Variants in FGF10 observed in about 807,000 individuals in gnomAD.
FGF10 encodes FGF-10.
FGF10 carries 2 observed loss-of-function variants against 19.8 expected under a neutral mutation model. That is an observed-to-expected ratio of 0.10 (90% CI 0.04 to 0.32). The LOEUF (loss-of-function observed/expected upper bound fraction) is 0.32, where lower values mean the gene tolerates loss of function less well. Among genes scored for constraint, FGF10 ranks in the 10% least tolerant of loss-of-function variants. FGF10 has a pLI of 1.00. For synonymous variants in FGF10, 112 were observed against 94.0 expected (o/e 1.19, Z -1.10); for missense variants, 191 against 246.3 (o/e 0.78, Z 1.50).
chr5:44,388,656 A>G lies in FGF10; in HGVS notation c.27T>C (p.Cys9=). The part of the protein sequence containing the change: MWKWILTH[C]ASAFPHLPGC... ...CGGGCAGGTGGGGAAAGGCTGAGGCACAATGTGTCAGTATCCATTTCCACA... is the reference window on the plus strand; with the variant it reads ...CGGGCAGGTGGGGAAAGGCTGAGGCGCAATGTGTCAGTATCCATTTCCACA... Residue 9 remains cysteine (C), a synonymous_variant, in exon 1 of 3, where the codon TGT becomes TGC. Transcript: ENST00000264664. 1.2e-6 allele frequency: 2 copies of G among 1,614,118 alleles called. No individual in the cohort carries two copies. Among genetic ancestry groups the G allele is most frequent in the South Asian group, 2.2e-5 (2 of 91,076 alleles).
At chr5:44,339,185 C>A (rs2111782815) in intron 1 of FGF10, among the ~76,000 whole-genome samples, 1 of 152,132 alleles carries the variant, frequency 6.6e-6, no homozygotes, top group Non-Finnish European at 1.5e-5. Flanking sequence ...ACATTTTAAG[C>A]TTTATTTAAT....
In FGF10 at chr5:44,301,401, G is replaced by A. The variant is rs752687052; in HGVS notation, c.*3594C>T. On this transcript the variant is annotated 3_prime_UTR_variant, in exon 3 of 3. Transcript: ENST00000264664. ...ATTAGAACTGTGCAGCATTAATGCT[G>A]ATCTATGTAAATTGGGTTCATAAAC... 6.6e-6 allele frequency among the ~76,000 whole-genome samples: 1 copy of A among 152,144 alleles called. No homozygotes were observed. Among genetic ancestry groups the A allele is most frequent in the Non-Finnish European group, 1.5e-5 (1 of 68,014 alleles).
At chr5:44,314,636 T>C (rs1294698176) in intron 1 of FGF10, among the ~76,000 whole-genome samples, 1 of 152,082 alleles carries the variant, frequency 6.6e-6, no homozygotes, top group East Asian at 1.9e-4. Flanking sequence ...TTAATACTCA[T>C]ATATATAATT....
intron 1 of FGF10, among the ~76,000 whole-genome samples, chr5:44,385,322 C>G (rs1227176144): frequency 6.6e-6 from 1 of 152,070 alleles, no homozygotes; most frequent in Non-Finnish European, 1.5e-5. Flanking sequence ...CGCATGTAGT[C>G]TTTTTAGAAC....
At chr5:44,342,523 A>T (rs1368982916) in intron 1 of FGF10, among the ~76,000 whole-genome samples, 1 of 151,830 alleles carries the variant, frequency 6.6e-6, no homozygotes, top group Non-Finnish European at 1.5e-5. Flanking sequence ...AAAAAAAAAA[A>T]AACTAACCAG....
chr5:44,320,150 G>A (rs1413065969), intron 1 of FGF10, among the ~76,000 whole-genome samples: 2 of 152,160 alleles, frequency 1.3e-5, no homozygotes, highest in Admixed American at 1.3e-4. Flanking sequence ...TAGCACTGAG[G>A]AGCAGATGCA....
chr5:44,378,168 G>A (rs1274659708), intron 1 of FGF10, among the ~76,000 whole-genome samples: 1 of 152,140 alleles, frequency 6.6e-6, no homozygotes, highest in African/African-American at 2.4e-5. Flanking sequence ...GGATGGGAGG[G>A]TCTTTTTTCC....
intron 1 of FGF10, among the ~76,000 whole-genome samples, chr5:44,384,093 T>A (rs1742046243): frequency 6.6e-6 from 1 of 152,104 alleles, no homozygotes; most frequent in African/African-American, 2.4e-5. Context: ...TCGCCCTTTT[T>A]AGAGTCATAT....
At position 44,306,081 on chromosome 5, in the gene FGF10, G is replaced by A. The variant is rs527511113; in HGVS notation, c.430-889C>T. On this transcript the variant is annotated intron_variant, in intron 2 of 2. Coordinates refer to ENST00000264664, the MANE Select transcript of FGF10 (RefSeq NM_004465.2). ...CTCTGGAGTTAATAACAAAGAGGAA[G>A]TAGCTCAATGATCTCAAGACTCTGG... Among the ~76,000 whole-genome samples the A allele has an allele frequency of 2.6e-5, 4 of 152,236 alleles. No homozygotes were observed. In the South Asian group the frequency reaches 8.3e-4, roughly 32 times the overall value.
At chr5:44,382,703 A>C (rs114285703) in intron 1 of FGF10, among the ~76,000 whole-genome samples, 1,814 of 152,308 alleles carry the variant, frequency 0.012, 42 homozygotes, top group African/African-American at 0.041. Flanking sequence ...ATCCTTCTGC[A>C]TAAATGACTT....
chr5:44,349,473 AATAT>A (rs1232625126), intron 1 of FGF10, among the ~76,000 whole-genome samples: 1 of 23,230 alleles, frequency 4.3e-5, no homozygotes, highest in South Asian at 1.7e-3. Flanking sequence ...TATATATCAG[AATAT>A]ATATATATAT....
At chr5:44,347,359 A>G (rs533110598) in intron 1 of FGF10, among the ~76,000 whole-genome samples, 1 of 151,812 alleles carries the variant, frequency 6.6e-6, no homozygotes, top group African/African-American at 2.4e-5. Flanking sequence ...TTATGTCACC[A>G]TCATGAAGAA....
chr5:44,339,683 T>C (rs72763193), intron 1 of FGF10, among the ~76,000 whole-genome samples: 10,873 of 152,198 alleles, frequency 0.071, 520 homozygotes, highest in Middle Eastern at 0.11. Flanking sequence ...AGGTTTCCTC[T>C]GGCCATTTGA....
At chr5:44,363,060 T>C (rs896621802) in intron 1 of FGF10, among the ~76,000 whole-genome samples, 2 of 151,810 alleles carry the variant, frequency 1.3e-5, no homozygotes, top group African/African-American at 4.8e-5. Flanking sequence ...CCTCTGTAAC[T>C]TTTCCAATAT....
chr5:44,354,864 G>A (rs549138785), intron 1 of FGF10, among the ~76,000 whole-genome samples: 1 of 151,540 alleles, frequency 6.6e-6, no homozygotes, highest in Non-Finnish European at 1.5e-5. Flanking sequence ...GCACAGTCCT[G>A]CCTGCTTCTT....
chr5:44,349,453 TATATATATATATATATCAGA>T (rs1205910844), intron 1 of FGF10, among the ~76,000 whole-genome samples: 828 of 22,980 alleles, frequency 0.036, 3 homozygotes, highest in Non-Finnish European at 0.048. Context: ...TATATATATA[TATATATATATATATATCAGA>T]ATATATATAT....
At position 44,302,117 on chromosome 5, in the gene FGF10, G is replaced by A. The variant is rs750617091; in HGVS notation, c.*2878C>T. ...ATCTACAACATTCAGGGCTGAAACT[G>A]CTTTTTTTTTTCTTCAGTAGTTGCA... On this transcript the variant is annotated 3_prime_UTR_variant, in exon 3 of 3. Transcript: ENST00000264664. Among the ~76,000 whole-genome samples, 6 of 149,576 alleles carry A rather than the reference G, an allele frequency of 4.0e-5. 1 individual carries two copies. In the East Asian group the frequency reaches 1.2e-3, roughly 29 times the overall value.
intron 1 of FGF10, among the ~76,000 whole-genome samples, chr5:44,334,472 T>A (rs1305882251): frequency 6.6e-6 from 1 of 152,092 alleles, no homozygotes; most frequent in African/African-American, 2.4e-5. Flanking sequence ...TAGGGGAATA[T>A]GGTTACTTCC....
chr5:44,314,981 C>A (rs983520011), intron 1 of FGF10, among the ~76,000 whole-genome samples: 3 of 152,028 alleles, frequency 2.0e-5, no homozygotes, highest in Non-Finnish European at 4.4e-5. Context: ...CTTCTATCCA[C>A]TCCTAGATAA....
Sources: allele counts gnomAD v4.1 joint callset (sites outside exome capture counted in the v4.1 genomes callset), GRCh38; gene constraint gnomAD v4.1.1; transcripts MANE v1.5; gene names NCBI Gene and HGNC (gene_info 2026-07-23, HGNC 2026-07-21).